Variants in SCN11A observed in about 807,000 individuals in gnomAD.
The protein encoded by SCN11A is sodium channel protein type 11 subunit alpha.
Under a neutral mutation model 162.2 loss-of-function variants are expected in SCN11A, and 122 were observed. The observed-to-expected ratio is 0.75, with a 90% CI of 0.65 to 0.87. The LOEUF is 0.87. Among genes scored for constraint, SCN11A ranks in the 40% least tolerant of loss-of-function variants. The probability of loss-of-function intolerance (pLI) is 0.00; values close to 1 mark genes in which losing one functional copy is unlikely to be tolerated. For missense variants in SCN11A, 2,015 were observed against 2,181.6 expected, an observed-to-expected ratio of 0.92 and a Z score of 1.52; for synonymous variants, 758 against 751.5, an observed-to-expected ratio of 1.01 and a Z score of -0.14.
rs140270974 is a variant in SCN11A, at chr3:38,850,500, G to A, written c.4308C>T (p.Val1436=). ...TNGWNLFDCV[V]VLLSIVSTMI... is the part of the protein sequence containing the mutation. Reference sequence around the variant, plus strand: ...ACTTACTAACAATGGAAAGAAGCACGACCACACAGTCAAATAAATTCCAGC... The same window carrying A: ...ACTTACTAACAATGGAAAGAAGCACAACCACACAGTCAAATAAATTCCAGC... Residue 1436 remains valine (V), a synonymous_variant, in exon 29 of 30, where the codon GTC becomes GTT. Coordinates refer to ENST00000302328, the MANE Select transcript of SCN11A (RefSeq NM_001349253.2). The A allele has an allele frequency of 3.8e-5, 62 of 1,613,188 alleles. No individual in the cohort carries two copies. Among genetic ancestry groups the A allele is most frequent in the Admixed American group, 5.0e-5 (3 of 59,944 alleles).
At chr3:38,909,647 A>C (rs1355225818) in intron 12 of SCN11A, among the ~76,000 whole-genome samples, 1 of 138,020 alleles carries the variant, frequency 7.2e-6, no homozygotes, top group Non-Finnish European at 1.5e-5. Flanking sequence ...CAGTGGTGTG[A>C]TCTCGGCTCA....
At chr3:38,867,545 T>G (rs1290575740) in intron 26 of SCN11A, 87 bp from the exon 27 acceptor site, 1 of 1,029,518 alleles carries the variant, frequency 9.7e-7, no homozygotes, top group African/African-American at 1.6e-5. Flanking sequence ...AAGACCAAGG[T>G]GTTTCTTAGC....
chr3:39,045,808 A>T (rs534140220), intron 1 of SCN11A, among the ~76,000 whole-genome samples: 1 of 152,350 alleles, frequency 6.6e-6, no homozygotes, highest in African/African-American at 2.4e-5. Flanking sequence ...TTTAGGCAAG[A>T]TTAAAGAATA....
rs944675831 is a variant in SCN11A, at chr3:38,897,147, G to T, written c.2101C>A (p.Leu701Ile). ...IKIIGNSVGA[L>I]GSLTVVLVIV... ...ACCAGGACCACAGTCAGGCTTCCAA[G>T]GGCTCCGACAGAGTTGCCGATTATC... The change falls in exon 18 of 30, where the codon CTT becomes ATT. Residue 701 changes from leucine to isoleucine, a missense_variant. By Grantham distance (5) the Leu-to-Ile change is conservative. Coordinates refer to ENST00000302328, the MANE Select transcript of SCN11A (RefSeq NM_001349253.2). 2 of 1,614,098 alleles carry T rather than the reference G, an allele frequency of 1.2e-6. No homozygotes were observed. Among genetic ancestry groups the T allele is most frequent in the Non-Finnish European group, 1.7e-6 (2 of 1,179,994 alleles).
chr3:38,992,248 C>CTGA (rs1490429613), intron 2 of SCN11A, among the ~76,000 whole-genome samples: 1 of 152,198 alleles, frequency 6.6e-6, no homozygotes, highest in African/African-American at 2.4e-5. Context: ...CATTGAAGGC[C>CTGA]TGATGAACTG....
At position 38,886,223 on chromosome 3, in the gene SCN11A, G is replaced by T; in HGVS notation, c.2851C>A (p.Gln951Lys). The change falls in exon 20 of 30, where the codon CAG becomes AAG. Residue 951 changes from glutamine to lysine, a missense_variant. Coordinates refer to ENST00000302328, the MANE Select transcript of SCN11A (RefSeq NM_001349253.2). ...EPEQQAYELH[Q>K]ENKKPTSQRV... ...TGGCTCGTGGGCTTCTTGTTCTCCT[G>T]ATGGAGCTCATAGGCCTAACACAGA... 6.2e-7 allele frequency: 1 copy of T among 1,611,492 alleles called. No individual in the cohort carries two copies. Among genetic ancestry groups the T allele is most frequent in the Non-Finnish European group, 8.5e-7 (1 of 1,178,758 alleles).
intron 2 of SCN11A, among the ~76,000 whole-genome samples, chr3:38,983,532 C>T (rs866727558): frequency 2.0e-5 from 3 of 152,172 alleles, no homozygotes; most frequent in Non-Finnish European, 2.9e-5. Context: ...ACCCTCAAGA[C>T]AAACAAGGAC....
At chr3:38,938,655 C>T (rs1433199189) in intron 7 of SCN11A, among the ~76,000 whole-genome samples, 1 of 145,212 alleles carries the variant, frequency 6.9e-6, no homozygotes, top group African/African-American at 2.5e-5. Flanking sequence ...ACCTCTGCCT[C>T]CCAGGTTCAA....
chr3:38,907,349 T>TATATA (rs1559523568), intron 14 of SCN11A, among the ~76,000 whole-genome samples: 85 of 16,544 alleles, frequency 5.1e-3, no homozygotes, highest in African/African-American at 7.1e-3. Context: ...TGTGTATATA[T>TATATA]CTATATATAC....
intron 2 of SCN11A, among the ~76,000 whole-genome samples, chr3:39,028,730 G>A (rs550518096): frequency 6.6e-6 from 1 of 152,254 alleles, no homozygotes; most frequent in South Asian, 2.1e-4. Flanking sequence ...GTGCAAAAAA[G>A]ACAAAACATG....
In SCN11A at chr3:38,926,849, G is replaced by C; in HGVS notation, c.571C>G (p.Leu191Val). ...RGFILDEFSFLRDPWNWLDSI... is the reference protein window; with the variant it reads ...RGFILDEFSFVRDPWNWLDSI... ...TCCAGCCAGTTCCATGGATCTCGAA[G>C]GAAAGAAAACTCATCCAGAATGAAA... The change falls in exon 8 of 30, where the codon CTT (leucine) becomes GTT (valine). Residue 191 changes from leucine to valine, a missense_variant. Transcript: ENST00000302328. 6.2e-7 allele frequency: 1 copy of C among 1,613,508 alleles called. No homozygotes were observed. Among genetic ancestry groups the C allele is most frequent in the South Asian group, 1.1e-5 (1 of 91,052 alleles).
chr3:38,933,915 A>G (rs1027116151), intron 7 of SCN11A, among the ~76,000 whole-genome samples: 1 of 152,248 alleles, frequency 6.6e-6, no homozygotes, highest in Admixed American at 6.5e-5. Flanking sequence ...TCCAAGACAC[A>G]TAATTGTCAG....
At chr3:39,000,146 C>A (rs1039766312) in intron 2 of SCN11A, among the ~76,000 whole-genome samples, 1 of 152,180 alleles carries the variant, frequency 6.6e-6, no homozygotes, top group Non-Finnish European at 1.5e-5. Context: ...AACTTCATTT[C>A]CAATTTGATG....
intron 1 of SCN11A, among the ~76,000 whole-genome samples, chr3:39,043,516 T>C (rs1278008645): frequency 1.3e-5 from 2 of 148,412 alleles, no homozygotes; most frequent in Admixed American, 1.3e-4. Flanking sequence ...AATCCTGTCA[T>C]TTGCAACAAC....
intron 2 of SCN11A, among the ~76,000 whole-genome samples, chr3:38,996,960 C>G (rs2030664715): frequency 6.6e-6 from 1 of 152,228 alleles, no homozygotes; most frequent in African/African-American, 2.4e-5. Flanking sequence ...TTACTACTTT[C>G]TTTGCCTCCT....
At chr3:38,927,136 A>G (rs1051077524) in intron 7 of SCN11A, among the ~76,000 whole-genome samples, 1 of 152,210 alleles carries the variant, frequency 6.6e-6, no homozygotes, top group African/African-American at 2.4e-5. Flanking sequence ...GCCCAGAGAT[A>G]AATTGTGAAG....
At chr3:38,851,936 C>T (rs2064787463) in intron 28 of SCN11A, among the ~76,000 whole-genome samples, 1 of 152,002 alleles carries the variant, frequency 6.6e-6, no homozygotes, top group Non-Finnish European at 1.5e-5. Flanking sequence ...ATATAGTTTC[C>T]GGTTGATAAA....
At chr3:38,906,684 A>G (rs922987290) in intron 14 of SCN11A, among the ~76,000 whole-genome samples, 1 of 152,084 alleles carries the variant, frequency 6.6e-6, no homozygotes, top group Non-Finnish European at 1.5e-5. Flanking sequence ...CAGCCTCTTA[A>G]CTGGTCGCCT....
At chr3:38,907,736 T>G (rs571201642) in intron 14 of SCN11A, among the ~76,000 whole-genome samples, 1 of 152,258 alleles carries the variant, frequency 6.6e-6, no homozygotes, top group African/African-American at 2.4e-5. Context: ...CCTATCCCAG[T>G]GCCAAGAAGA....
Sources: allele counts gnomAD v4.1 joint callset (sites outside exome capture counted in the v4.1 genomes callset), GRCh38; gene constraint gnomAD v4.1.1; transcripts MANE v1.5; gene names NCBI Gene and HGNC (gene_info 2026-07-23, HGNC 2026-07-21).